Variants in SPAG16 observed in about 807,000 individuals in gnomAD.
SPAG16 encodes the protein sperm associated antigen 16.
SPAG16 carries 86 observed loss-of-function variants against 80.4 expected under a neutral mutation model. That is an observed-to-expected ratio of 1.07 (90% CI 0.90 to 1.28). SPAG16 has a LOEUF of 1.28. Ranked by LOEUF, SPAG16 falls within the 50% of genes most tolerant of loss-of-function variation. The pLI is 0.00. For synonymous variants in SPAG16, 294 were observed against 265.9 expected, an observed-to-expected ratio of 1.11 and a Z score of -1.03; for missense variants, 870 against 765.3, an observed-to-expected ratio of 1.14 and a Z score of -1.61.
intron 7 of SPAG16, among the ~76,000 whole-genome samples, chr2:213,362,095 G>A (rs572083677): frequency 9.2e-5 from 14 of 152,236 alleles, no homozygotes; most frequent in South Asian, 2.1e-4. Context: ...AAGGGAAGAA[G>A]GAGGAGGTAA....
intron 15 of SPAG16, among the ~76,000 whole-genome samples, chr2:214,229,014 T>C (rs1688496948): frequency 1.3e-5 from 2 of 151,854 alleles, no homozygotes. Flanking sequence ...AAGAATTATG[T>C]TACATAGTTT....
chr2:214,400,943 CA>C (rs1701671093), intron 15 of SPAG16, among the ~76,000 whole-genome samples: 1 of 151,860 alleles, frequency 6.6e-6, no homozygotes, highest in Non-Finnish European at 1.5e-5. Context: ...TCTTTGCTCA[CA>C]AAAGAAAAGT....
chr2:214,340,404 A>C (rs1443607268), intron 15 of SPAG16, among the ~76,000 whole-genome samples: 1 of 152,236 alleles, frequency 6.6e-6, no homozygotes, highest in East Asian at 1.9e-4. Flanking sequence ...TTCTTTTTAG[A>C]ATAATTTATG....
At chr2:213,831,971 G>A (rs1268637929) in intron 10 of SPAG16, among the ~76,000 whole-genome samples, 1 of 151,852 alleles carries the variant, frequency 6.6e-6, no homozygotes, top group Non-Finnish European at 1.5e-5. Context: ...CTCTGAAAAG[G>A]AAATTTTTGC....
chr2:214,240,655 T>C (rs1201320538), intron 15 of SPAG16: 2 of 152,174 alleles, frequency 1.3e-5, no homozygotes, highest in Admixed American at 1.3e-4. Flanking sequence ...TACAATCTAC[T>C]TCAGATAATG....
chr2:213,839,697 A>C (rs931508060), intron 10 of SPAG16, among the ~76,000 whole-genome samples: 2 of 152,190 alleles, frequency 1.3e-5, no homozygotes, highest in African/African-American at 4.8e-5. Context: ...ATTGTTGTAC[A>C]GCAGTAAAGT....
At chr2:213,297,919 T>A (rs113490164) in intron 3 of SPAG16, among the ~76,000 whole-genome samples, 1,623 of 152,264 alleles carry the variant, frequency 0.011, 32 homozygotes, top group African/African-American at 0.037. Flanking sequence ...AAAATATTTT[T>A]AAAAATGTTT....
rs183901825 is a variant in SPAG16 at position 213,415,651 on chromosome 2, G to A, written c.942+40532G>A. Among the ~76,000 whole-genome samples the A allele has an allele frequency of 9.8e-5, 15 of 152,310 alleles. No homozygotes were observed. In the East Asian group the frequency reaches 2.5e-3, roughly 25 times the overall value. On this transcript the variant is annotated intron_variant, in intron 9 of 15. Transcript: ENST00000331683. ...AGGAATCTTCAGATGTTTTTGGCTG[G>A]GTTGACAGTGTTATCATTCATTGGA...
At chr2:214,065,098 C>T (rs1356584780) in intron 13 of SPAG16, among the ~76,000 whole-genome samples, 2 of 151,942 alleles carry the variant, frequency 1.3e-5, no homozygotes, top group African/African-American at 2.4e-5. Flanking sequence ...TCAGTTTTTA[C>T]AGATGAGAAA....
At chr2:214,057,669 G>T (rs189292558) in intron 13 of SPAG16, among the ~76,000 whole-genome samples, 2 of 152,188 alleles carry the variant, frequency 1.3e-5, no homozygotes, top group East Asian at 3.9e-4. Flanking sequence ...GCCAGACATC[G>T]ACTTCTCCTC....
At chr2:214,040,128 T>A (rs534154565) in intron 13 of SPAG16, among the ~76,000 whole-genome samples, 5 of 151,948 alleles carry the variant, frequency 3.3e-5, no homozygotes, top group South Asian at 4.2e-4. Flanking sequence ...TCTGCAGGAG[T>A]AATAGGGGAA....
chr2:213,686,921 G>A (rs2064709778), intron 10 of SPAG16, among the ~76,000 whole-genome samples: 1 of 151,832 alleles, frequency 6.6e-6, no homozygotes, highest in Non-Finnish European at 1.5e-5. Context: ...CTGACCTCGT[G>A]ATCTGCCCAC....
chr2:214,376,920 TA>T (rs1700166540), intron 15 of SPAG16, among the ~76,000 whole-genome samples: 1 of 152,198 alleles, frequency 6.6e-6, no homozygotes. Flanking sequence ...AAATTTATTA[TA>T]AAAATTTAAA....
chr2:213,310,323 C>G (rs1289080005), intron 4 of SPAG16, 146 bp downstream of exon 4: 1 of 710 alleles, frequency 1.4e-3, no homozygotes, highest in Non-Finnish European at 3.1e-3. Flanking sequence ...AACCACAACA[C>G]ACACACACAC....
At chr2:214,123,880 A>T (rs2054346891) in intron 14 of SPAG16, among the ~76,000 whole-genome samples, 1 of 152,078 alleles carries the variant, frequency 6.6e-6, no homozygotes. Context: ...CTAGGAATAG[A>T]TTAAACAGGT....
At chr2:213,489,608 T>C (rs1014450425) in intron 9 of SPAG16, among the ~76,000 whole-genome samples, 1 of 152,146 alleles carries the variant, frequency 6.6e-6, no homozygotes, top group African/African-American at 2.4e-5. Flanking sequence ...GACTTTCGAC[T>C]GCTGACACTA....
chr2:214,390,966 C>G (rs1701047536), intron 15 of SPAG16, among the ~76,000 whole-genome samples: 1 of 152,116 alleles, frequency 6.6e-6, no homozygotes, highest in African/African-American at 2.4e-5. Flanking sequence ...TGTGAAGAGG[C>G]AGCTGGGTGG....
chr2:213,747,559 C>T (rs974682965), intron 10 of SPAG16, among the ~76,000 whole-genome samples: 1 of 152,116 alleles, frequency 6.6e-6, no homozygotes, highest in African/African-American at 2.4e-5. Flanking sequence ...GTATTTTTTG[C>T]ACAAATTTTC....
intron 10 of SPAG16, among the ~76,000 whole-genome samples, chr2:213,857,468 G>A (rs907692908): frequency 6.6e-6 from 1 of 152,122 alleles, no homozygotes; most frequent in African/African-American, 2.4e-5. Context: ...ATTTATAAAT[G>A]TAACAACAAA....
Sources: allele counts gnomAD v4.1 joint callset (sites outside exome capture counted in the v4.1 genomes callset), GRCh38; gene constraint gnomAD v4.1.1; transcripts MANE v1.5; gene names NCBI Gene and HGNC (gene_info 2026-07-23, HGNC 2026-07-21).